Variants in CACNA1D observed in about 807,000 individuals in gnomAD.
The protein encoded by CACNA1D is calcium voltage-gated channel subunit alpha1 D, also known as voltage-dependent L-type calcium channel subunit alpha-1D.
A neutral mutation model predicts 257.1 loss-of-function variants in CACNA1D; 55 were observed. That is an observed-to-expected ratio of 0.21 (90% CI 0.17 to 0.27). The LOEUF (loss-of-function observed/expected upper bound fraction) is 0.27, where lower values mean the gene tolerates loss of function less well. Ranked by LOEUF, CACNA1D falls within the 10% of genes least tolerant of loss-of-function variation. CACNA1D has a pLI of 1.00. For synonymous variants in CACNA1D, 980 were observed against 1,014.9 expected, an observed-to-expected ratio of 0.97 and a Z score of 0.65; for missense variants, 1,876 against 2,784.0, an observed-to-expected ratio of 0.67 and a Z score of 7.34.
chr3:53,683,164 A>T (rs1437607556), intron 8 of CACNA1D, among the ~76,000 whole-genome samples: 1 of 152,200 alleles, frequency 6.6e-6, no homozygotes, highest in African/African-American at 2.4e-5. Context: ...AAATCTGACC[A>T]TATACTAAGC....
intron 3 of CACNA1D, among the ~76,000 whole-genome samples, chr3:53,533,702 C>G (rs1450396819): frequency 6.6e-6 from 1 of 152,132 alleles, no homozygotes; most frequent in Non-Finnish European, 1.5e-5. Flanking sequence ...TGGCCGTGGG[C>G]GCTGAGCACG....
At chr3:53,788,052 C>T (rs1219430795) in intron 40 of CACNA1D, among the ~76,000 whole-genome samples, 2 of 152,124 alleles carry the variant, frequency 1.3e-5, no homozygotes, top group Non-Finnish European at 2.9e-5. Flanking sequence ...GTTGTGTGTT[C>T]AAAGTGATGG....
chr3:53,676,161 T>C (rs2094374454), intron 8 of CACNA1D, among the ~76,000 whole-genome samples: 1 of 152,064 alleles, frequency 6.6e-6, no homozygotes, highest in Admixed American at 6.6e-5. Flanking sequence ...AGGGCACATA[T>C]TCAGTAGAGG....
At chr3:53,787,452 T>TGTGTGTGTGTGA (rs780595738) in intron 40 of CACNA1D, among the ~76,000 whole-genome samples, 37 of 150,510 alleles carry the variant, frequency 2.5e-4, no homozygotes, top group Admixed American at 2.0e-3. Flanking sequence ...TGTGTGTGTG[T>TGTGTGTGTGTGA]GTATGTATGT....
chr3:53,517,835 G>GA (rs1312827398), intron 3 of CACNA1D, among the ~76,000 whole-genome samples: 1 of 152,188 alleles, frequency 6.6e-6, no homozygotes, highest in Non-Finnish European at 1.5e-5. Context: ...AACTCCTTGA[G>GA]ATAGGTATTT....
At chr3:53,664,621 C>A (rs1473693517) in intron 5 of CACNA1D, among the ~76,000 whole-genome samples, 1 of 152,264 alleles carries the variant, frequency 6.6e-6, no homozygotes, top group South Asian at 2.1e-4. Flanking sequence ...TGTTCTTCTT[C>A]CCTGAAGTTG....
intron 44 of CACNA1D, among the ~76,000 whole-genome samples, chr3:53,804,288 TC>T (rs1290915491): frequency 1.3e-5 from 2 of 152,050 alleles, no homozygotes; most frequent in Non-Finnish European, 2.9e-5. Flanking sequence ...CCGCAGCCCT[TC>T]CCCGTGCCTC....
chr3:53,632,875 G>A (rs986681658), intron 3 of CACNA1D, among the ~76,000 whole-genome samples: 14 of 152,142 alleles, frequency 9.2e-5, no homozygotes, highest in Admixed American at 7.9e-4. Flanking sequence ...TAGTAACATC[G>A]AGGATAAGTG....
intron 23 of CACNA1D, among the ~76,000 whole-genome samples, chr3:53,745,056 C>T (rs1199761084): frequency 1.3e-5 from 2 of 151,948 alleles, no homozygotes; most frequent in Non-Finnish European, 2.9e-5. Flanking sequence ...AATTATTGTT[C>T]ATTTATTACC....
At chr3:53,798,820 C>A (rs1202158823) in intron 40 of CACNA1D, among the ~76,000 whole-genome samples, 1 of 152,182 alleles carries the variant, frequency 6.6e-6, no homozygotes, top group Non-Finnish European at 1.5e-5. Flanking sequence ...TGGGACCCAG[C>A]CCTGATGGAT....
At chr3:53,660,970 G>A (rs1319230567) in intron 5 of CACNA1D, among the ~76,000 whole-genome samples, 1 of 152,240 alleles carries the variant, frequency 6.6e-6, no homozygotes, top group African/African-American at 2.4e-5. Flanking sequence ...CCAGGCCCCA[G>A]TGTGCTTCTG....
intron 3 of CACNA1D, among the ~76,000 whole-genome samples, chr3:53,622,307 T>C (rs754768525): frequency 3.3e-5 from 5 of 152,228 alleles, no homozygotes; most frequent in Non-Finnish European, 7.3e-5. Context: ...CGTTAGGCAG[T>C]TTCTTATAAG....
intron 3 of CACNA1D, among the ~76,000 whole-genome samples, chr3:53,518,454 C>G (rs528930131): frequency 6.6e-6 from 1 of 152,056 alleles, no homozygotes; most frequent in Non-Finnish European, 1.5e-5. Flanking sequence ...AATAGGTGTC[C>G]GGTGGTCTCT....
intron 39 of CACNA1D, among the ~76,000 whole-genome samples, chr3:53,784,106 A>G (rs142892947): frequency 6.6e-6 from 1 of 152,326 alleles, no homozygotes; most frequent in Non-Finnish European, 1.5e-5. Flanking sequence ...CTGTGGATAC[A>G]TGTCAGGCTT....
Position 53,745,665 on chromosome 3 carries a change from C to T in CACNA1D, c.3048C>T (p.Gly1016=). 5.6e-6 allele frequency: 9 copies of T among 1,614,074 alleles called. No homozygotes were observed. Among genetic ancestry groups the T allele is most frequent in the Admixed American group, 1.7e-5 (1 of 60,028 alleles). The stretch of plus-strand genomic sequence containing the variant: ...TCTTCGTGGCCATCCGGACCATCGG[C>T]AACATCATGATCGTCACCACCCTCC... ...QCVFVAIRTI[G]NIMIVTTLLQ... is the part of the protein sequence containing the mutation. Residue 1016 remains glycine (G), a synonymous_variant, in exon 24 of 48, where the codon GGC becomes GGT. Coordinates refer to ENST00000350061, the MANE Select transcript of CACNA1D (RefSeq NM_001128840.3).
At chr3:53,683,949 G>A (rs749241836) in intron 8 of CACNA1D, among the ~76,000 whole-genome samples, 39 of 152,244 alleles carry the variant, frequency 2.6e-4, no homozygotes, top group Middle Eastern at 3.4e-3. Flanking sequence ...CCTCAAGCAG[G>A]GGAAACACAA....
At chr3:53,510,690 T>G (rs2091069217) in intron 3 of CACNA1D, among the ~76,000 whole-genome samples, 2 of 152,322 alleles carry the variant, frequency 1.3e-5, no homozygotes, top group East Asian at 3.9e-4. Context: ...TCTCACTGCC[T>G]CAGCAGTCAT....
At chr3:53,759,635 T>C (rs747120852) in intron 29 of CACNA1D, among the ~76,000 whole-genome samples, 11 of 152,264 alleles carry the variant, frequency 7.2e-5, no homozygotes, top group African/African-American at 1.2e-4. Flanking sequence ...GCTTTTGAGT[T>C]ACTCTTAACT....
At chr3:53,684,621 CAAAAAAAAAAAAA>C (rs60026644) in intron 8 of CACNA1D, among the ~76,000 whole-genome samples, 2 of 84,526 alleles carry the variant, frequency 2.4e-5, no homozygotes, top group Middle Eastern at 8.9e-3. Flanking sequence ...GAAACTCTGT[CAAAAAAAAAAAAA>C]AAAAAAAAAA....
Sources: gnomAD v4.1 joint callset for allele counts (sites outside exome capture counted in the v4.1 genomes callset) on GRCh38, gnomAD v4.1.1 for gene constraint, MANE v1.5 for transcripts, NCBI Gene and HGNC (gene_info 2026-07-23, HGNC 2026-07-21) for gene names.